EPHX4: variants seen among roughly 807,000 people sequenced by gnomAD.
EPHX4 encodes abhydrolase domain containing 7.
Under a neutral mutation model 44.9 loss-of-function variants are expected in EPHX4, and 31 were observed. The observed-to-expected ratio is 0.69, with a 90% CI of 0.52 to 0.93. EPHX4 has a LOEUF of 0.93. Among genes scored for constraint, EPHX4 ranks in the 40% least tolerant of loss-of-function variants. The pLI is 0.00. For synonymous variants in EPHX4, 151 were observed against 159.7 expected, an observed-to-expected ratio of 0.95 and a Z score of 0.41; for missense variants, 373 against 438.1, an observed-to-expected ratio of 0.85 and a Z score of 1.33.
chr1:92,031,493 G>C (rs557278780), intron 1 of EPHX4, among the ~76,000 whole-genome samples: 4 of 152,268 alleles, frequency 2.6e-5, no homozygotes, highest in Non-Finnish European at 5.9e-5. Context: ...ACAGAGAACC[G>C]AGTGGAAAGA....
chr1:92,034,100 G>T (rs1415875297), intron 2 of EPHX4, among the ~76,000 whole-genome samples: 1 of 143,018 alleles, frequency 7.0e-6, no homozygotes, highest in East Asian at 2.0e-4. Context: ...AAACCATCCT[G>T]GCTAACACGG....
chr1:92,031,254 A>G (rs1688356405), intron 1 of EPHX4, among the ~76,000 whole-genome samples: 1 of 152,214 alleles, frequency 6.6e-6, no homozygotes. Flanking sequence ...TCAGTGCAAT[A>G]AAGTATCTGT....
rs571450760 is a variant in EPHX4, at chr1:92,042,859, T to G, written c.354T>G (p.Ser118Arg). Residue 118 changes from serine (S) to arginine (R), a missense_variant, in exon 3 of 7, where the codon AGT becomes AGG. Coordinates refer to ENST00000370383, the MANE Select transcript of EPHX4 (RefSeq NM_173567.5). The part of the protein sequence containing the change: ...SWRYQLREFK[S>R]EYRVVALDLR... ...GTTACCAACTGAGAGAATTTAAAAGTGAATATCGAGTTGTAGCACTGGATT... is the reference window on the plus strand; with the variant it reads ...GTTACCAACTGAGAGAATTTAAAAGGGAATATCGAGTTGTAGCACTGGATT... 4.1e-5 allele frequency: 66 copies of G among 1,612,060 alleles called. 1 individual carries two copies. The South Asian group carries it at 7.2e-4, about 18-fold the overall frequency.
chr1:92,044,234 G>A lies in EPHX4; in HGVS notation c.475+1254G>A, dbSNP rs1445153251. On this transcript the variant is annotated intron_variant, in intron 3 of 6. Transcript: ENST00000370383. ...AAAAAAATGAATGGGGTCTGGGGGT[G>A]TCACATACAATATTGTCATTTAGTC... is the stretch of plus-strand genomic sequence containing the variant. 2.0e-5 allele frequency among the ~76,000 whole-genome samples: 3 copies of A among 152,148 alleles called. No individual in the cohort carries two copies. In the South Asian group the frequency reaches 6.2e-4, roughly 31 times the overall value.
chr1:92,039,246 A>G (rs1378307927), intron 2 of EPHX4, among the ~76,000 whole-genome samples: 2 of 152,162 alleles, frequency 1.3e-5, no homozygotes, highest in Non-Finnish European at 2.9e-5. Flanking sequence ...AAATGACATG[A>G]GTTTGTGTCT....
intron 6 of EPHX4, among the ~76,000 whole-genome samples, chr1:92,053,959 G>A (rs376894437): frequency 1.3e-5 from 2 of 152,130 alleles, no homozygotes; most frequent in Non-Finnish European, 2.9e-5. Flanking sequence ...ACAAGCTTTG[G>A]TTTTAGAACA....
At chr1:92,053,476 A>C (rs1471340186) in intron 6 of EPHX4, among the ~76,000 whole-genome samples, 2 of 152,186 alleles carry the variant, frequency 1.3e-5, no homozygotes, top group East Asian at 3.9e-4. Flanking sequence ...AACAACCTAC[A>C]TGTGTATTTG....
At chr1:92,057,776 T>G (rs1312021994) in intron 6 of EPHX4, among the ~76,000 whole-genome samples, 1 of 152,060 alleles carries the variant, frequency 6.6e-6, no homozygotes, top group African/African-American at 2.4e-5. Flanking sequence ...ATTTTTGTAT[T>G]TTTAATAGAG....
intron 6 of EPHX4, among the ~76,000 whole-genome samples, chr1:92,054,587 CAAAA>C (rs745316500): frequency 1.8e-5 from 1 of 54,668 alleles, no homozygotes. Flanking sequence ...GACTCCATCT[CAAAA>C]AAAAAAAAAA....
At chr1:92,062,918 C>A in intron 6 of EPHX4, 137 bp from the exon 7 acceptor site, 2 of 682,620 alleles carry the variant, frequency 2.9e-6, no homozygotes, top group Non-Finnish European at 5.0e-6. Flanking sequence ...TTTTTTCACC[C>A]TCCCAAGAAC....
intron 6 of EPHX4, among the ~76,000 whole-genome samples, chr1:92,058,458 AT>A (rs1283919202): frequency 5.3e-5 from 8 of 151,892 alleles, no homozygotes; most frequent in Non-Finnish European, 4.4e-5. Context: ...AAAAAAAAAA[AT>A]CCATTAATTT....
At chr1:92,049,895 C>T (rs543281528) in intron 4 of EPHX4, among the ~76,000 whole-genome samples, 3 of 151,976 alleles carry the variant, frequency 2.0e-5, no homozygotes, top group Non-Finnish European at 4.4e-5. Context: ...GTCAGGAGTT[C>T]GAAACCAGCC....
chr1:92,047,086 A>G (rs1043066626), intron 4 of EPHX4, among the ~76,000 whole-genome samples: 70 of 152,246 alleles, frequency 4.6e-4, no homozygotes, highest in African/African-American at 1.7e-3. Flanking sequence ...GGTTCATTTG[A>G]AAGTCTGATT....
intron 6 of EPHX4, among the ~76,000 whole-genome samples, chr1:92,060,646 C>T (rs948747709): frequency 5.3e-5 from 8 of 151,478 alleles, no homozygotes; most frequent in Admixed American, 2.6e-4. Flanking sequence ...TAGCCGGGTG[C>T]GATGGCTCAC....
intron 3 of EPHX4, 141 bp downstream of exon 3, chr1:92,043,121 C>A: frequency 1.6e-6 from 1 of 640,344 alleles, no homozygotes; most frequent in Non-Finnish European, 2.6e-6. Context: ...TTCAGTTAGT[C>A]AGCCCAAAAT....
chr1:92,033,196 T>A (rs1688386807), intron 2 of EPHX4, among the ~76,000 whole-genome samples: 1 of 151,928 alleles, frequency 6.6e-6, no homozygotes, highest in South Asian at 2.1e-4. Flanking sequence ...ATTACAGATG[T>A]AAGCCACCAC....
intron 6 of EPHX4, among the ~76,000 whole-genome samples, chr1:92,058,854 T>C (rs1647429279): frequency 6.6e-6 from 1 of 152,146 alleles, no homozygotes; most frequent in South Asian, 2.1e-4. Flanking sequence ...TTTGTAGTAC[T>C]CTCCACAGTT....
chr1:92,034,669 T>G (rs1688411964), intron 2 of EPHX4, among the ~76,000 whole-genome samples: 1 of 148,748 alleles, frequency 6.7e-6, no homozygotes, highest in Admixed American at 6.7e-5. Context: ...TTTTAAACAG[T>G]CTTGCTCTGT....
At chr1:92,033,478 G>A (rs927864978) in intron 2 of EPHX4, among the ~76,000 whole-genome samples, 2 of 151,884 alleles carry the variant, frequency 1.3e-5, no homozygotes, top group African/African-American at 4.8e-5. Context: ...ACAAACCAAA[G>A]ACGTGGAGTG....
Sources: gnomAD v4.1 joint callset for allele counts (sites outside exome capture counted in the v4.1 genomes callset) on GRCh38, gnomAD v4.1.1 for gene constraint, MANE v1.5 for transcripts, NCBI Gene and HGNC (gene_info 2026-07-23, HGNC 2026-07-21) for gene names.